Variants in GRM5 observed in about 807,000 individuals in gnomAD.
GRM5 encodes the protein glutamate metabotropic receptor 5.
Under a neutral mutation model 83.1 loss-of-function variants are expected in GRM5, and 19 were observed. That is an observed-to-expected ratio of 0.23 (90% confidence interval 0.16 to 0.34). The LOEUF (loss-of-function observed/expected upper bound fraction) is 0.34, where lower values mean the gene tolerates loss of function less well. GRM5 is among the 10% of genes least tolerant of loss of function. GRM5 has a pLI of 1.00. For synonymous variants in GRM5, 675 were observed against 633.6 expected, an observed-to-expected ratio of 1.07 and a Z score of -0.98; for missense variants, 1,160 against 1,588.3, an observed-to-expected ratio of 0.73 and a Z score of 4.58.
intron 1 of GRM5, among the ~76,000 whole-genome samples, chr11:89,057,153 A>G (rs1307828411): frequency 3.3e-5 from 5 of 152,184 alleles, no homozygotes; most frequent in Non-Finnish European, 7.4e-5. Context: ...AGCTCAGGAC[A>G]TAAACACTAA....
At chr11:88,925,047 G>A (rs981664834) in intron 2 of GRM5, among the ~76,000 whole-genome samples, 4 of 152,128 alleles carry the variant, frequency 2.6e-5, no homozygotes, top group Non-Finnish European at 5.9e-5. Context: ...TAAGGATCAT[G>A]TGTTTTTATT....
intron 2 of GRM5, among the ~76,000 whole-genome samples, chr11:88,955,242 C>A (rs1455466188): frequency 6.6e-6 from 1 of 152,200 alleles, no homozygotes; most frequent in African/African-American, 2.4e-5. Context: ...TGGGACAATT[C>A]TTTTCAATCT....
At chr11:88,972,602 A>T (rs1399034553) in intron 2 of GRM5, among the ~76,000 whole-genome samples, 7 of 152,170 alleles carry the variant, frequency 4.6e-5, no homozygotes. Flanking sequence ...ACAAAGAATT[A>T]TGGAATTAGG....
intron 2 of GRM5, among the ~76,000 whole-genome samples, chr11:88,896,905 G>A (rs1945236463): frequency 6.6e-6 from 1 of 151,818 alleles, no homozygotes; most frequent in South Asian, 2.1e-4. Flanking sequence ...TGAGCACCCT[G>A]CAATCCAGTC....
At chr11:88,765,427 GA>G (rs1565220317) in intron 3 of GRM5, among the ~76,000 whole-genome samples, 13 of 146,122 alleles carry the variant, frequency 8.9e-5, no homozygotes, top group Non-Finnish European at 1.5e-4. Flanking sequence ...AAAGTGGAAG[GA>G]CTCACACTTT....
intron 4 of GRM5, among the ~76,000 whole-genome samples, chr11:88,636,161 A>G (rs1939113147): frequency 6.6e-6 from 1 of 152,174 alleles, no homozygotes; most frequent in South Asian, 2.1e-4. Context: ...ACTAGAACCT[A>G]TAGAATTGAA....
chr11:88,970,771 G>T (rs538013455), intron 2 of GRM5, among the ~76,000 whole-genome samples: 1 of 152,146 alleles, frequency 6.6e-6, no homozygotes, highest in Non-Finnish European at 1.5e-5. Flanking sequence ...CAGCTTTCAG[G>T]TGTTGTACAC....
intron 2 of GRM5, among the ~76,000 whole-genome samples, chr11:88,973,663 T>C (rs1285162728): frequency 6.6e-6 from 1 of 152,196 alleles, no homozygotes; most frequent in African/African-American, 2.4e-5. Flanking sequence ...ATTTCTGGTC[T>C]CCAGAACCAT....
At chr11:89,052,191 T>C (rs1565352941) in intron 1 of GRM5, among the ~76,000 whole-genome samples, 1 of 152,140 alleles carries the variant, frequency 6.6e-6, no homozygotes, top group Non-Finnish European at 1.5e-5. Flanking sequence ...GGAAAGTGAA[T>C]ATGTAAGGTT....
At chr11:88,699,204 G>A (rs1229993607) in intron 3 of GRM5, among the ~76,000 whole-genome samples, 1 of 152,046 alleles carries the variant, frequency 6.6e-6, no homozygotes, top group African/African-American at 2.4e-5. Flanking sequence ...TTCTTTACAT[G>A]GGTCAGCTGT....
chr11:88,875,368 G>A (rs1565272310), intron 2 of GRM5, among the ~76,000 whole-genome samples: 1 of 151,878 alleles, frequency 6.6e-6, no homozygotes, highest in African/African-American at 2.4e-5. Context: ...TTCACATTGT[G>A]AGGCTCACCT....
chr11:88,529,737 C>T (rs1034517109), intron 8 of GRM5, among the ~76,000 whole-genome samples: 1 of 151,596 alleles, frequency 6.6e-6, no homozygotes, highest in Admixed American at 6.6e-5. Context: ...CTTAGGGTAG[C>T]GATAATACAG....
chr11:88,618,227 C>T (rs1243717737), intron 4 of GRM5, among the ~76,000 whole-genome samples: 1 of 152,156 alleles, frequency 6.6e-6, no homozygotes, highest in Non-Finnish European at 1.5e-5. Flanking sequence ...TCAGTATTCT[C>T]CATTAGATTT....
At chr11:88,990,798 G>C (rs1336107170) in intron 2 of GRM5, among the ~76,000 whole-genome samples, 1 of 151,568 alleles carries the variant, frequency 6.6e-6, no homozygotes, top group East Asian at 1.9e-4. Context: ...AAAGGCCTTT[G>C]ACAAAATTCA....
rs1245110480 is a variant in GRM5 at position 88,987,415 on chromosome 11, C to G, written c.661+59797G>C. 2.0e-5 allele frequency among the ~76,000 whole-genome samples: 3 copies of G among 151,848 alleles called. No homozygotes were observed. In the South Asian group the frequency reaches 6.2e-4, roughly 32 times the overall value. ...AGCAGTCTGAGATCAAACTGCAAGG[C>G]GGCAGCGAGGTTGGGGGAGGGGCGC... On this transcript the variant is annotated intron_variant, in intron 2 of 9. Coordinates refer to ENST00000305447, the MANE Select transcript of GRM5 (RefSeq NM_001143831.3).
At chr11:88,887,490 C>T (rs1945063088) in intron 2 of GRM5, among the ~76,000 whole-genome samples, 1 of 152,036 alleles carries the variant, frequency 6.6e-6, no homozygotes, top group Admixed American at 6.5e-5. Context: ...AGGCAGAGGA[C>T]AGAGGACTAG....
intron 2 of GRM5, among the ~76,000 whole-genome samples, chr11:88,978,516 A>T (rs12789061): frequency 7.4e-6 from 1 of 135,668 alleles, no homozygotes; most frequent in Non-Finnish European, 1.6e-5. Flanking sequence ...AAAAAAAAAA[A>T]CCTCATAATG....
intron 3 of GRM5, among the ~76,000 whole-genome samples, chr11:88,698,246 G>C (rs1010290776): frequency 2.6e-5 from 4 of 152,116 alleles, no homozygotes; most frequent in Non-Finnish European, 4.4e-5. Flanking sequence ...TGCTTGTCCT[G>C]CAGATTCTCT....
At chr11:88,970,490 G>A (rs1467203965) in intron 2 of GRM5, among the ~76,000 whole-genome samples, 38 of 152,196 alleles carry the variant, frequency 2.5e-4, no homozygotes, top group Non-Finnish European at 4.4e-4. Context: ...GCCTCAAGTA[G>A]CTAAAAAGGA....
Sources: allele counts gnomAD v4.1 joint callset (sites outside exome capture counted in the v4.1 genomes callset), GRCh38; gene constraint gnomAD v4.1.1; transcripts MANE v1.5; gene names NCBI Gene and HGNC (gene_info 2026-07-23, HGNC 2026-07-21).